PLEKHA8: variants seen among roughly 807,000 people sequenced by gnomAD.
PLEKHA8 encodes pleckstrin homology domain-containing family A member 8.
PLEKHA8 carries 36 observed loss-of-function variants against 68.2 expected under a neutral mutation model. That is an observed-to-expected ratio of 0.53 (90% CI 0.40 to 0.70). The LOEUF is 0.70. Among genes scored for constraint, PLEKHA8 ranks in the 30% least tolerant of loss-of-function variants. The pLI is 0.00. For missense variants in PLEKHA8, 505 were observed against 615.4 expected (o/e 0.82, Z 1.90); for synonymous variants, 211 against 216.1 (o/e 0.98, Z 0.20).
At chr7:30,040,391 G>A (rs965755169) in intron 1 of PLEKHA8, among the ~76,000 whole-genome samples, 1 of 152,186 alleles carries the variant, frequency 6.6e-6, no homozygotes, top group African/African-American at 2.4e-5. Flanking sequence ...GCTGCAGGCA[G>A]CTGCAGGCTA....
chr7:30,070,697 C>G (rs1168917006), intron 12 of PLEKHA8, among the ~76,000 whole-genome samples: 1 of 152,068 alleles, frequency 6.6e-6, no homozygotes, highest in Admixed American at 6.5e-5. Context: ...GGGCACCCAC[C>G]ACCACACCTG....
At chr7:30,067,417 C>T (rs1793930217) in intron 12 of PLEKHA8, among the ~76,000 whole-genome samples, 1 of 152,136 alleles carries the variant, frequency 6.6e-6, no homozygotes, top group Non-Finnish European at 1.5e-5. Flanking sequence ...CTGCAGTGAG[C>T]CATGTTTGCA....
At chr7:30,109,824 A>G (rs1796210755) in intron 13 of PLEKHA8, among the ~76,000 whole-genome samples, 1 of 151,660 alleles carries the variant, frequency 6.6e-6, no homozygotes, top group Admixed American at 6.6e-5. Context: ...GGCATGCACC[A>G]CCATGCCTGG....
At position 30,079,520 on chromosome 7, in the gene PLEKHA8, A is replaced by G. The variant is rs1447690344; in HGVS notation, c.*733A>G. On this transcript the variant is annotated 3_prime_UTR_variant, in exon 14 of 14. Coordinates refer to ENST00000449726, the MANE Select transcript of PLEKHA8 (RefSeq NM_001197026.2). ...ACCTCCCAACTGCCTACCATTTACC[A>G]GCATGTTCCCCATGCATTATCTCAA... 1.0e-6 allele frequency: 1 copy of G among 970,428 alleles called. No homozygotes were observed. The highest frequency in any genetic ancestry group is 1.8e-5 in the African/African-American group (1 of 56,868). The allele number at this position is 970,428 out of a possible 1,614,324, so 60.1% of individuals were successfully genotyped here.
chr7:30,060,301 C>T (rs1266927878), intron 9 of PLEKHA8, among the ~76,000 whole-genome samples: 2 of 151,520 alleles, frequency 1.3e-5, no homozygotes, highest in Non-Finnish European at 2.9e-5. Context: ...ATTAGCTGGG[C>T]GTGGTGGTGG....
rs543163311 is a variant in PLEKHA8 at position 30,054,689 on chromosome 7, A to G, written c.797-20A>G. 1.4e-6 allele frequency: 2 copies of G among 1,477,950 alleles called. No individual in the cohort carries two copies. Among genetic ancestry groups the G allele is most frequent in the East Asian group, 2.4e-5 (1 of 41,884 alleles). 91.6% of individuals were successfully genotyped at this position (1,477,950 alleles called of 1,614,324 possible). On this transcript the variant is annotated intron_variant, in intron 7 of 13. Coordinates refer to ENST00000449726, the MANE Select transcript of PLEKHA8 (RefSeq NM_001197026.2). The stretch of plus-strand genomic sequence containing the variant: ...AATAAATATATAATAGGTTAGTAAT[A>G]GATATTTTCTACTTTGCAGTCCAAG...
chr7:30,031,919 C>G (rs952177872), intron 1 of PLEKHA8, among the ~76,000 whole-genome samples: 25 of 152,072 alleles, frequency 1.6e-4, no homozygotes, highest in Admixed American at 5.2e-4. Context: ...GAAGTCTCTT[C>G]CCTTAAATGC....
intron 13 of PLEKHA8, among the ~76,000 whole-genome samples, chr7:30,098,433 A>G (rs1795716504): frequency 1.3e-5 from 2 of 152,248 alleles, no homozygotes; most frequent in Admixed American, 1.3e-4. Flanking sequence ...GGTGGAGCCT[A>G]CAGAGGCAGG....
chr7:30,042,922 A>G (rs1409785244), intron 1 of PLEKHA8, among the ~76,000 whole-genome samples: 1 of 152,230 alleles, frequency 6.6e-6, no homozygotes, highest in East Asian at 1.9e-4. Context: ...TTGGTTTTCC[A>G]GGTTGTAATG....
In PLEKHA8 at chr7:30,046,348, G is replaced by A; in HGVS notation, c.296G>A (p.Arg99Lys). The A allele has an allele frequency of 6.2e-7, 1 of 1,608,352 alleles. No individual in the cohort carries two copies. The highest frequency in any genetic ancestry group is 8.5e-7 in the Non-Finnish European group (1 of 1,177,544). ...GCCAAGGCTTGCCTGACTGACAGTAGGACCCAGAAGGAGAAAGGCAAGTAC... is the reference window on the plus strand; with the variant it reads ...GCCAAGGCTTGCCTGACTGACAGTAAGACCCAGAAGGAGAAAGGCAAGTAC... ...GSAKACLTDS[R>K]TQKEKEFAEN... Residue 99 changes from arginine to lysine, a missense_variant, in exon 3 of 14, where the codon AGG (arginine) becomes AAG (lysine). By Grantham distance (26) the Arg-to-Lys change is conservative. Transcript: ENST00000449726.
chr7:30,063,239 G>T (rs981772466), intron 12 of PLEKHA8, among the ~76,000 whole-genome samples: 5 of 152,192 alleles, frequency 3.3e-5, no homozygotes, highest in African/African-American at 1.2e-4. Flanking sequence ...GCCAAAATGG[G>T]ATGAAGGGCT....
intron 13 of PLEKHA8, among the ~76,000 whole-genome samples, chr7:30,123,591 G>A (rs1796727205): frequency 6.6e-6 from 1 of 152,188 alleles, no homozygotes; most frequent in East Asian, 1.9e-4. Context: ...TTTTTAGGGA[G>A]AATAATCAGG....
intron 13 of PLEKHA8, among the ~76,000 whole-genome samples, chr7:30,114,779 A>G (rs1028231939): frequency 6.6e-6 from 1 of 152,140 alleles, no homozygotes; most frequent in African/African-American, 2.4e-5. Context: ...TGCCACAGAA[A>G]GATCACCAGA....
intron 12 of PLEKHA8, among the ~76,000 whole-genome samples, chr7:30,067,308 A>T (rs945415565): frequency 1.3e-5 from 2 of 152,330 alleles, no homozygotes; most frequent in East Asian, 3.9e-4. Context: ...TGTCTCTTCA[A>T]AACATTCAAA....
chr7:30,122,444 A>C (rs1796710749), intron 13 of PLEKHA8, among the ~76,000 whole-genome samples: 2 of 152,230 alleles, frequency 1.3e-5, no homozygotes. Context: ...ATGGTTGTCT[A>C]AAAGCCTTAT....
chr7:30,045,390 G>A (rs1311659070), intron 2 of PLEKHA8, among the ~76,000 whole-genome samples, 189 bp downstream of exon 2: 1 of 152,138 alleles, frequency 6.6e-6, no homozygotes, highest in Non-Finnish European at 1.5e-5. Flanking sequence ...TGAGGAGATT[G>A]GCTAAGAGGT....
At position 30,078,751 on chromosome 7, in the gene PLEKHA8, T is replaced by TA; in HGVS notation, c.1524_1525insA (p.Glu509ArgfsTer8). 6.2e-7 allele frequency: 1 copy of TA among 1,613,714 alleles called. No individual in the cohort carries two copies. Among genetic ancestry groups the TA allele is most frequent in the Non-Finnish European group, 8.5e-7 (1 of 1,179,734 alleles). ...AGCTGGCCATACTGGACACTTTATATGAGGTCCACGGGCTGGAATCTGATG... is the reference window on the plus strand; with the variant it reads ...AGCTGGCCATACTGGACACTTTATATAGAGGTCCACGGGCTGGAATCTGATG... On this transcript the variant is annotated frameshift_variant, in exon 14 of 14. Coordinates refer to ENST00000449726, the MANE Select transcript of PLEKHA8 (RefSeq NM_001197026.2). LOFTEE classifies it high-confidence loss of function.
In PLEKHA8 at chr7:30,079,234, G is replaced by A; in HGVS notation, c.*447G>A. On this transcript the variant is annotated 3_prime_UTR_variant, in exon 14 of 14. Transcript: ENST00000449726. Reference sequence around the variant, plus strand: ...AGGTAGTATAAGCTGCTTTGTTGAAGCTGTGTAGAGTTTGCTGTTCCTAGA... The same window carrying A: ...AGGTAGTATAAGCTGCTTTGTTGAAACTGTGTAGAGTTTGCTGTTCCTAGA... 2 of 996,534 alleles carry A rather than the reference G, an allele frequency of 2.0e-6. No homozygotes were observed. Among genetic ancestry groups the A allele is most frequent in the Non-Finnish European group, 2.4e-6 (2 of 836,646 alleles). The allele number at this position is 996,534 out of a possible 1,614,324, so 61.7% of individuals were successfully genotyped here.
At position 30,080,709 on chromosome 7, in the gene PLEKHA8, C is replaced by G. The variant is rs370607930; in HGVS notation, c.*1922C>G. ...ATGATGTTGATTATTTTGTATTTTG[C>G]CAAGGTGTGTGTGTGTTATTTCCCT... On this transcript the variant is annotated 3_prime_UTR_variant, in exon 14 of 14. Transcript: ENST00000449726. 2.0e-5 allele frequency: 20 copies of G among 985,102 alleles called. No homozygotes were observed. In the South Asian group the frequency reaches 8.0e-4, roughly 39 times the overall value. The allele number at this position is 985,102 out of a possible 1,614,324, so 61.0% of individuals were successfully genotyped here. A position where few individuals can be genotyped will look rare whatever the true frequency, so the allele number is the denominator to read the frequency against.
Sources: gnomAD v4.1 joint callset for allele counts (sites outside exome capture counted in the v4.1 genomes callset) on GRCh38, gnomAD v4.1.1 for gene constraint, MANE v1.5 for transcripts, NCBI Gene and HGNC (gene_info 2026-07-23, HGNC 2026-07-21) for gene names.